The following PDE1C variants were observed in gnomAD, a reference collection of about 807,000 sequenced individuals.
PDE1C encodes the protein dual specificity calcium/calmodulin-dependent 3',5'-cyclic nucleotide phosphodiesterase 1C.
In PDE1C, 62 loss-of-function variants were observed where a neutral mutation model predicts 93.1. The observed-to-expected ratio is 0.67, with a 90% CI of 0.54 to 0.82. The LOEUF is 0.82. PDE1C is among the 40% of genes least tolerant of loss of function. PDE1C has a pLI of 0.00. For synonymous variants in PDE1C, 325 were observed against 310.1 expected (o/e 1.05, Z -0.50); for missense variants, 742 against 884.6 (o/e 0.84, Z 2.04).
chr7:31,924,380 T>C (rs1803068728), intron 2 of PDE1C, among the ~76,000 whole-genome samples: 1 of 152,146 alleles, frequency 6.6e-6, no homozygotes, highest in Admixed American at 6.5e-5. Context: ...AAATAATTTG[T>C]AGCAAAGCTG....
chr7:31,951,119 G>A (rs1412442024), intron 2 of PDE1C, among the ~76,000 whole-genome samples: 1 of 152,074 alleles, frequency 6.6e-6, no homozygotes, highest in Non-Finnish European at 1.5e-5. Flanking sequence ...TTCTTAAAAA[G>A]ACACCAGTCC....
chr7:31,906,362 A>G (rs1363339504), intron 2 of PDE1C, among the ~76,000 whole-genome samples: 1 of 152,200 alleles, frequency 6.6e-6, no homozygotes, highest in Non-Finnish European at 1.5e-5. Context: ...ATAATTCTCA[A>G]GAGCATGTTA....
chr7:32,218,667 C>T (rs1013261385), intron 1 of PDE1C, among the ~76,000 whole-genome samples: 16 of 152,240 alleles, frequency 1.1e-4, no homozygotes, highest in African/African-American at 3.6e-4. Context: ...TATTTATCTA[C>T]ACTCTATCTC....
intron 15 of PDE1C, among the ~76,000 whole-genome samples, chr7:31,812,928 G>A (rs909215950): frequency 6.6e-6 from 1 of 152,082 alleles, no homozygotes; most frequent in Non-Finnish European, 1.5e-5. Flanking sequence ...CTTAATGGTT[G>A]CTTGACTTTA....
At chr7:32,406,496 T>C (rs974221660) in intron 1 of PDE1C, among the ~76,000 whole-genome samples, 2 of 137,132 alleles carry the variant, frequency 1.5e-5, no homozygotes, top group Non-Finnish European at 3.1e-5. Context: ...TTCAGCAAAA[T>C]ATATTGATGT....
At chr7:31,705,861 A>G in the PDE1C span, among the ~76,000 whole-genome samples, 1 of 152,036 alleles carries the variant, frequency 6.6e-6, no homozygotes, top group Non-Finnish European at 1.5e-5. Flanking sequence ...TTGACCTTAC[A>G]TTAAAATGAC....
intron 2 of PDE1C, among the ~76,000 whole-genome samples, chr7:31,941,109 C>G (rs2128999138): frequency 6.6e-6 from 1 of 152,114 alleles, no homozygotes; most frequent in African/African-American, 2.4e-5. Context: ...ACCCAAAGCA[C>G]AAGGTAAATA....
the PDE1C span, among the ~76,000 whole-genome samples, chr7:31,672,015 C>A: frequency 6.6e-6 from 1 of 152,174 alleles, no homozygotes; most frequent in South Asian, 2.1e-4. Flanking sequence ...TTTGTGAAAA[C>A]CCCATTTGGG....
intron 2 of PDE1C, among the ~76,000 whole-genome samples, chr7:31,894,597 T>C (rs1308527375): frequency 6.6e-6 from 1 of 152,208 alleles, no homozygotes; most frequent in Non-Finnish European, 1.5e-5. Flanking sequence ...TCTTTCTCTC[T>C]CAGCCCCCAC....
chr7:32,082,164 A>G (rs562637041), intron 3 of PDE1C, among the ~76,000 whole-genome samples: 2 of 74,348 alleles, frequency 2.7e-5, no homozygotes, highest in Non-Finnish European at 6.7e-5. Context: ...CACCCTAATA[A>G]TGCGCTTTTC....
At chr7:31,913,882 T>A (rs1801561861) in intron 2 of PDE1C, among the ~76,000 whole-genome samples, 1 of 152,138 alleles carries the variant, frequency 6.6e-6, no homozygotes, top group Admixed American at 6.6e-5. Context: ...CAAAAGGAAC[T>A]TGCACAGTCC....
At position 31,951,794 on chromosome 7, in the gene PDE1C, TC is replaced by T. The variant is rs1363352569; in HGVS notation, c.129-70935del. Among the ~76,000 whole-genome samples the T allele has an allele frequency of 7.2e-5, 11 of 152,270 alleles. No individual in the cohort carries two copies. In the South Asian group the frequency reaches 2.3e-3, roughly 32 times the overall value. ...ACCCGGTGTGTGGGAGAACTGGGTTTCCCCACTTCCTGAACACAGAACCTCA... is the reference window on the plus strand; with the variant it reads ...ACCCGGTGTGTGGGAGAACTGGGTTTCCCACTTCCTGAACACAGAACCTCA... On this transcript the variant is annotated intron_variant, in intron 2 of 17. Transcript: ENST00000396191.
At chr7:32,072,497 A>T (rs955328847), upstream of PDE1C, among the ~76,000 whole-genome samples, 10 of 152,230 alleles carry the variant, frequency 6.6e-5, no homozygotes, top group Admixed American at 6.5e-4. Context: ...TCACAAGAGG[A>T]AATTTTTATA....
intron 2 of PDE1C, among the ~76,000 whole-genome samples, chr7:31,971,962 T>C (rs1169739592): frequency 2.0e-5 from 3 of 152,186 alleles, no homozygotes; most frequent in Admixed American, 2.0e-4. Context: ...CCTTTGGTAA[T>C]TGTGTTACCT....
At chr7:31,780,349 A>C (rs1022582470) in intron 16 of PDE1C, among the ~76,000 whole-genome samples, 1 of 152,208 alleles carries the variant, frequency 6.6e-6, no homozygotes, top group African/African-American at 2.4e-5. Flanking sequence ...ATTTAAACTT[A>C]AGATTCCAGA....
intron 1 of PDE1C, among the ~76,000 whole-genome samples, chr7:32,294,131 C>T (rs1304042781): frequency 6.6e-6 from 1 of 152,084 alleles, no homozygotes; most frequent in Non-Finnish European, 1.5e-5. Context: ...CTCCCTTCAG[C>T]TTAGCCTCCG....
chr7:31,697,130 G>T, the PDE1C span: 9 of 1,613,028 alleles, frequency 5.6e-6, no homozygotes, highest in Non-Finnish European at 6.8e-6. Flanking sequence ...AAAAAAGCTG[G>T]TGCAGGGCAT....
intron 9 of PDE1C, 82 bp downstream of exon 9, chr7:31,847,886 T>G: frequency 6.9e-7 from 1 of 1,439,606 alleles, no homozygotes; most frequent in Non-Finnish European, 9.7e-7. Flanking sequence ...AGCAAGGTGT[T>G]CTTTTCTCAA....
chr7:32,228,259 G>A (rs2128859992), intron 1 of PDE1C, among the ~76,000 whole-genome samples: 1 of 152,302 alleles, frequency 6.6e-6, no homozygotes, highest in African/African-American at 2.4e-5. Context: ...TCTTACAGAG[G>A]TAATGAAACA....
Sources: gnomAD v4.1 joint callset for allele counts (sites outside exome capture counted in the v4.1 genomes callset) on GRCh38, gnomAD v4.1.1 for gene constraint, MANE v1.5 for transcripts, NCBI Gene and HGNC (gene_info 2026-07-23, HGNC 2026-07-21) for gene names.